Variants in NRG1 observed in about 807,000 individuals in gnomAD.
NRG1 encodes the protein neuregulin 1, also known as pro-neuregulin-1, membrane-bound isoform.
In NRG1, 18 loss-of-function variants were observed where a neutral mutation model predicts 63.8. The ratio of observed to expected loss-of-function variants is 0.28; its 90% CI spans 0.19 to 0.42. The LOEUF (loss-of-function observed/expected upper bound fraction) is 0.42. Ranked by LOEUF, NRG1 falls within the 10% of genes least tolerant of loss-of-function variation. NRG1 has a pLI of 1.00. For missense variants in NRG1, 762 were observed against 814.7 expected, an observed-to-expected ratio of 0.94 and a Z score of 0.79; for synonymous variants, 302 against 301.3, an observed-to-expected ratio of 1.00 and a Z score of -0.02.
chr8:32,209,121 T>C (rs1844392410), intron 1 of NRG1, among the ~76,000 whole-genome samples: 1 of 152,284 alleles, frequency 6.6e-6, no homozygotes, highest in South Asian at 2.1e-4. Flanking sequence ...AATATAAGGA[T>C]AATAATGGTA....
intron 1 of NRG1, among the ~76,000 whole-genome samples, chr8:31,991,301 T>C (rs1811029781): frequency 6.6e-6 from 1 of 151,608 alleles, no homozygotes; most frequent in African/African-American, 2.4e-5. Context: ...TTCTTCTTCT[T>C]CTTCCTCCTC....
chr8:31,767,118 C>T (rs1818145958), intron 1 of NRG1, among the ~76,000 whole-genome samples: 1 of 151,990 alleles, frequency 6.6e-6, no homozygotes, highest in Non-Finnish European at 1.5e-5. Flanking sequence ...TTCCTCTTAA[C>T]ACGAAGAAAA....
intron 5 of NRG1, among the ~76,000 whole-genome samples, chr8:32,646,043 C>T (rs1021400663): frequency 6.6e-6 from 1 of 152,164 alleles, no homozygotes; most frequent in South Asian, 2.1e-4. Context: ...GGAATCCAAA[C>T]CTCTGCAGTG....
chr8:31,854,414 A>G (rs1827615949), intron 1 of NRG1, among the ~76,000 whole-genome samples: 2 of 152,148 alleles, frequency 1.3e-5, no homozygotes, highest in African/African-American at 4.8e-5. Context: ...TGTTTGTAGT[A>G]TTCTCTGATG....
chr8:31,880,169 A>G (rs1288790604), intron 1 of NRG1, among the ~76,000 whole-genome samples: 2 of 152,144 alleles, frequency 1.3e-5, no homozygotes, highest in South Asian at 2.1e-4. Context: ...TGACCCAGCA[A>G]TCCCATTACT....
intron 1 of NRG1, among the ~76,000 whole-genome samples, chr8:31,965,752 AG>A (rs1316696027): frequency 6.6e-6 from 1 of 152,180 alleles, no homozygotes; most frequent in African/African-American, 2.4e-5. Flanking sequence ...CTGGTATAAG[AG>A]GTATCTCATG....
intron 1 of NRG1, among the ~76,000 whole-genome samples, chr8:31,883,834 C>T (rs911343669): frequency 1.3e-5 from 2 of 152,056 alleles, no homozygotes; most frequent in Admixed American, 1.3e-4. Context: ...TATTTAAATG[C>T]TTTAAAATTT....
intron 1 of NRG1, among the ~76,000 whole-genome samples, chr8:31,655,465 G>C (rs1805341526): frequency 6.6e-6 from 1 of 152,110 alleles, no homozygotes; most frequent in Non-Finnish European, 1.5e-5. Flanking sequence ...AAGGAGGAGA[G>C]GAAAGATTTG....
chr8:31,711,968 G>T (rs976858328), intron 1 of NRG1, among the ~76,000 whole-genome samples: 1 of 152,266 alleles, frequency 6.6e-6, no homozygotes, highest in East Asian at 1.9e-4. Flanking sequence ...CACCTTGGAA[G>T]TTAGGGTTTA....
chr8:32,663,654 G>A (rs1253478435), intron 5 of NRG1, among the ~76,000 whole-genome samples: 1 of 152,000 alleles, frequency 6.6e-6, no homozygotes, highest in Non-Finnish European at 1.5e-5. Context: ...TCACTTTCTG[G>A]AAAGTAAAAA....
intron 1 of NRG1, among the ~76,000 whole-genome samples, chr8:32,318,977 T>C (rs984750416): frequency 1.3e-5 from 2 of 152,150 alleles, no homozygotes; most frequent in African/African-American, 4.8e-5. Context: ...CCTTCATCAC[T>C]TGAGGCCCAG....
chr8:32,463,366 A>G (rs1005271699), intron 1 of NRG1, among the ~76,000 whole-genome samples: 3 of 152,024 alleles, frequency 2.0e-5, no homozygotes, highest in Non-Finnish European at 4.4e-5. Flanking sequence ...TGGAAGGGAA[A>G]CTTTTATACT....
At chr8:31,796,342 T>C (rs1821207334) in intron 1 of NRG1, among the ~76,000 whole-genome samples, 1 of 146,234 alleles carries the variant, frequency 6.8e-6, no homozygotes, top group South Asian at 2.3e-4. Context: ...TAACCCCATC[T>C]TAAAAAACAA....
chr8:32,597,733 A>G (rs555678682), intron 2 of NRG1, among the ~76,000 whole-genome samples: 8 of 152,270 alleles, frequency 5.3e-5, no homozygotes, highest in Admixed American at 5.2e-4. Flanking sequence ...CCCATTAAAA[A>G]TGTAATATAC....
At chr8:31,739,797 AT>A (rs960055967) in intron 1 of NRG1, among the ~76,000 whole-genome samples, 3 of 151,750 alleles carry the variant, frequency 2.0e-5, no homozygotes, top group Admixed American at 6.6e-5. Context: ...TCTTCTAGCT[AT>A]TTTTTTTCTT....
intron 1 of NRG1, among the ~76,000 whole-genome samples, chr8:31,993,070 A>C (rs951624242): frequency 2.2e-4 from 34 of 152,026 alleles, no homozygotes; most frequent in Non-Finnish European, 2.4e-4. Flanking sequence ...TGGAGTTTTC[A>C]TTCTAGTATG....
At chr8:32,707,135 G>T (rs1433994418) in intron 5 of NRG1, among the ~76,000 whole-genome samples, 2 of 151,932 alleles carry the variant, frequency 1.3e-5, no homozygotes, top group African/African-American at 4.8e-5. Context: ...CTTGATAAAT[G>T]ATGCTTTTAA....
chr8:32,277,667 T>C (rs2129472929), intron 1 of NRG1, among the ~76,000 whole-genome samples: 1 of 152,302 alleles, frequency 6.6e-6, no homozygotes, highest in African/African-American at 2.4e-5. Context: ...TATTTAACAA[T>C]ATCTGGTGAC....
At chr8:32,137,367 G>A (rs1183407466) in intron 1 of NRG1, among the ~76,000 whole-genome samples, 1 of 152,068 alleles carries the variant, frequency 6.6e-6, no homozygotes, top group African/African-American at 2.4e-5. Context: ...GCTTGAACCC[G>A]AGAGGCCAAG....
Sources: allele counts gnomAD v4.1 joint callset (sites outside exome capture counted in the v4.1 genomes callset), GRCh38; gene constraint gnomAD v4.1.1; transcripts MANE v1.5; gene names NCBI Gene and HGNC (gene_info 2026-07-23, HGNC 2026-07-21).